The following KDM2B variants were observed in gnomAD, a reference collection of about 807,000 sequenced individuals.
KDM2B encodes the protein lysine-specific demethylase 2B.
In KDM2B, 26 loss-of-function variants were observed where a neutral mutation model predicts 150.0. The ratio of observed to expected loss-of-function variants is 0.17; its 90% CI spans 0.13 to 0.24. The LOEUF is 0.24. Ranked by LOEUF, KDM2B falls within the 10% of genes least tolerant of loss-of-function variation. The pLI, the probability that KDM2B is intolerant of heterozygous loss-of-function variation, is 1.00. For missense variants in KDM2B, 1,265 were observed against 1,816.9 expected (o/e 0.70, Z 5.52); for synonymous variants, 734 against 729.5 (o/e 1.01, Z -0.10).
chr12:121,483,870 A>T (rs1432854083), intron 12 of KDM2B, among the ~76,000 whole-genome samples: 1 of 152,062 alleles, frequency 6.6e-6, no homozygotes, highest in East Asian at 1.9e-4. Flanking sequence ...AGTTTAGCAG[A>T]GGTTTGATTG....
At position 121,467,455 on chromosome 12, in the gene KDM2B, G is replaced by GC; in HGVS notation, c.1735-14112dup. ...CATGAGGCGAGCCAGGAAGGGGCTG[G>GC]CCCCCCGGGCGGGCGGGCCAATGGC... On this transcript the variant is annotated intron_variant, in intron 12 of 22. Transcript: ENST00000377071. The surrounding 1 kb of genome is among the most constrained non-coding windows in gnomAD (Gnocchi z 5.1). 1 of 681,606 alleles carries GC rather than the reference G, an allele frequency of 1.5e-6. No individual in the cohort carries two copies. The highest frequency in any genetic ancestry group is 1.8e-6 in the Non-Finnish European group (1 of 555,108). The allele number at this position is 681,606 out of a possible 1,614,324, so 42.2% of individuals were successfully genotyped here.
rs1877572128 is a variant in KDM2B, at chr12:121,453,039, C to T, written c.1959+81G>A. On this transcript the variant is annotated intron_variant, in intron 13 of 22. Coordinates refer to ENST00000377071, the MANE Select transcript of KDM2B (RefSeq NM_032590.5). The surrounding 1 kb of genome is among the most constrained non-coding windows in gnomAD (Gnocchi z 6.4). ...GCTTCTCTGTGTGCGGAGGGGCGGCCAGAGCGAGCAGCGGTCAGACACGCG... is the reference window on the plus strand; with the variant it reads ...GCTTCTCTGTGTGCGGAGGGGCGGCTAGAGCGAGCAGCGGTCAGACACGCG... 1.6e-6 allele frequency: 2 copies of T among 1,256,970 alleles called. No homozygotes were observed. The highest frequency in any genetic ancestry group is 1.5e-5 in the African/African-American group (1 of 66,652). The allele number at this position is 1,256,970 out of a possible 1,614,324, so 77.9% of individuals were successfully genotyped here.
rs1034077035 is a variant in KDM2B, at chr12:121,453,665, A to C, written c.1735-321T>G. Among the ~76,000 whole-genome samples the C allele has an allele frequency of 5.3e-5, 8 of 152,284 alleles. No homozygotes were observed. The highest frequency in any genetic ancestry group is 1.4e-4 in the African/African-American group (6 of 41,552). ...TCCACAGACTGGAGCCCTGTCTACA[A>C]GCCAAGAAGTGCCAAGGATGGCAGC... On this transcript the variant is annotated intron_variant, in intron 12 of 22. Coordinates refer to ENST00000377071, the MANE Select transcript of KDM2B (RefSeq NM_032590.5). This position sits in a 1 kb window ranked among gnomAD's most constrained non-coding sequence, Gnocchi z 6.4.
intron 4 of KDM2B, among the ~76,000 whole-genome samples, chr12:121,558,566 G>A (rs1338774784): frequency 3.3e-5 from 5 of 149,722 alleles, no homozygotes; most frequent in African/African-American, 1.2e-4. Flanking sequence ...CGATTTTCCT[G>A]CCTCAGCCTC....
In KDM2B at chr12:121,468,057, G is replaced by T. The variant is rs1251348488; in HGVS notation, c.1735-14713C>A. 6.6e-6 allele frequency: 1 copy of T among 152,234 alleles called. No homozygotes were observed. The highest frequency in any genetic ancestry group is 2.4e-5 in the African/African-American group (1 of 41,440). 9.4% of individuals were successfully genotyped at this position (152,234 alleles called of 1,614,324 possible). A position where few individuals can be genotyped will look rare whatever the true frequency, so the allele number is the denominator to read the frequency against. On this transcript the variant is annotated intron_variant, in intron 12 of 22. Coordinates refer to ENST00000377071, the MANE Select transcript of KDM2B (RefSeq NM_032590.5). The surrounding 1 kb of genome is among the most constrained non-coding windows in gnomAD (Gnocchi z 4.0). ...AGTTCCACTCGAGTCGCCTGACGGG[G>T]GCTGTCAGAACGCCCTGACTCTACC...
rs1265602867 is a variant in KDM2B, at chr12:121,537,574, G to A, written c.684-2984C>T. ...CCAGCCGGGGAGGAGGGCGGCAGGA[G>A]GGTTGCTGCACCTGCAGCACCAACT... On this transcript the variant is annotated intron_variant, in intron 6 of 22. Coordinates refer to ENST00000377071, the MANE Select transcript of KDM2B (RefSeq NM_032590.5). This position sits in a 1 kb window ranked among gnomAD's most constrained non-coding sequence, Gnocchi z 8.7. 1 of 152,186 alleles carries A rather than the reference G, an allele frequency of 6.6e-6. No homozygotes were observed. The highest frequency in any genetic ancestry group is 2.4e-5 in the African/African-American group (1 of 41,464). 9.4% of individuals were successfully genotyped at this position (152,186 alleles called of 1,614,324 possible). A position where few individuals can be genotyped will look rare whatever the true frequency, so the allele number is the denominator to read the frequency against.
In KDM2B at chr12:121,445,481, C is replaced by A. The variant is rs1036054597; in HGVS notation, c.1960-63G>T. 2.3e-5 allele frequency: 34 copies of A among 1,499,138 alleles called. No homozygotes were observed. The Middle Eastern group carries it at 6.5e-4, about 29-fold the overall frequency. 92.9% of individuals were successfully genotyped at this position (1,499,138 alleles called of 1,614,324 possible). Reference sequence around the variant, plus strand: ...TGGGGAGCACGGACCCCCAGGGGGGCCAGTTCAAGGGCAATGAGCTGCTCC... The same window carrying A: ...TGGGGAGCACGGACCCCCAGGGGGGACAGTTCAAGGGCAATGAGCTGCTCC... On this transcript the variant is annotated intron_variant, in intron 13 of 22. Transcript: ENST00000377071.
rs782629463 is a variant in KDM2B at position 121,513,430 on chromosome 12, G to A, written c.1048-28C>T. The A allele has an allele frequency of 1.9e-6, 3 of 1,604,520 alleles. No individual in the cohort carries two copies. The highest frequency in any genetic ancestry group is 2.6e-6 in the Non-Finnish European group (3 of 1,172,266). On this transcript the variant is annotated intron_variant, in intron 9 of 22. Transcript: ENST00000377071. The surrounding 1 kb of genome is among the most constrained non-coding windows in gnomAD (Gnocchi z 5.0). ...GAAAGCAAAGACGCAGGCAGGCAGA[G>A]GTCAGTTTCCAGAGGGCGAAGGGGG...
chr12:121,423,780 T>A, the KDM2B span: 1 of 537,446 alleles, frequency 1.9e-6, no homozygotes, highest in East Asian at 3.2e-5. The surrounding 1 kb of genome is among the most constrained non-coding windows in gnomAD (Gnocchi z 4.3). Flanking sequence ...ACACGTGAGC[T>A]TCCCGGGCTC....
At chr12:121,417,901 T>C in the KDM2B span, 1 of 1,613,608 alleles carries the variant, frequency 6.2e-7, no homozygotes, top group Non-Finnish European at 8.5e-7. This position sits in a 1 kb window ranked among gnomAD's most constrained non-coding sequence, Gnocchi z 5.0. Context: ...AGATCTGGAG[T>C]GCCGGCACAG....
chr12:121,561,052 C>T (rs901454829), intron 4 of KDM2B, among the ~76,000 whole-genome samples: 1 of 152,304 alleles, frequency 6.6e-6, no homozygotes, highest in African/African-American at 2.4e-5. Flanking sequence ...CCGCCGCCCA[C>T]CCACCCCAGG....
intron 8 of KDM2B, among the ~76,000 whole-genome samples, chr12:121,525,250 C>A (rs1434729159): frequency 6.6e-6 from 1 of 152,128 alleles, no homozygotes; most frequent in Non-Finnish European, 1.5e-5. Context: ...GGGGATATTT[C>A]TTTTGTTGTT....
chr12:121,556,211 C>T (rs1889886606), intron 4 of KDM2B, among the ~76,000 whole-genome samples: 1 of 152,036 alleles, frequency 6.6e-6, no homozygotes, highest in Non-Finnish European at 1.5e-5. Context: ...AGGGGTGAGC[C>T]ACTGCACTCG....
the KDM2B span, among the ~76,000 whole-genome samples, chr12:121,421,316 CACTTGAGCCCAGGA>C: frequency 4.7e-4 from 64 of 136,790 alleles, no homozygotes; most frequent in African/African-American, 1.7e-3. Context: ...GCAGGAGGAT[CACTTGAGCCCAGGA>C]GTTTGAGACC....
At chr12:121,553,868 T>C (rs1889697261) in intron 4 of KDM2B, among the ~76,000 whole-genome samples, 1 of 152,104 alleles carries the variant, frequency 6.6e-6, no homozygotes. Context: ...ACTTTCATAA[T>C]GGTTGCACAG....
chr12:121,443,450 C>G (rs542987947), intron 17 of KDM2B: 3 of 591,226 alleles, frequency 5.1e-6, no homozygotes, highest in Admixed American at 6.1e-5. Context: ...GGCCACCAGG[C>G]TCCTCAGAGG....
intron 4 of KDM2B, among the ~76,000 whole-genome samples, chr12:121,566,388 G>GAGGC (rs1456375873): frequency 1.3e-5 from 2 of 152,126 alleles, no homozygotes; most frequent in African/African-American, 4.8e-5. Flanking sequence ...CTGGGAAGCT[G>GAGGC]AGGCAGGCAG....
intron 13 of KDM2B, among the ~76,000 whole-genome samples, chr12:121,446,159 G>C (rs57417357): frequency 0.035 from 5,335 of 152,180 alleles, 302 homozygotes; most frequent in African/African-American, 0.12. Flanking sequence ...ACTTTGGGAG[G>C]CCAAGGCGGG....
At position 121,580,828 on chromosome 12, in the gene KDM2B, T is replaced by C. The variant is rs1555317899; in HGVS notation, c.84A>G (p.Thr28=). ...RHAAEKQKKK[T]VIYTKCFEFE... ...ATTCAAAGCATTTTGTATATATAAC[T>C]GTTTTCTTTTTTTGCTTTTCTGCTG... Residue 28 remains threonine, a synonymous_variant, in exon 1 of 23, where the codon ACA becomes ACG. Transcript: ENST00000377071. The C allele has an allele frequency of 6.2e-7, 1 of 1,603,534 alleles. No individual in the cohort carries two copies. Among genetic ancestry groups the C allele is most frequent in the Non-Finnish European group, 8.5e-7 (1 of 1,171,178 alleles).
Sources: gnomAD v4.1 joint callset for allele counts (sites outside exome capture counted in the v4.1 genomes callset) on GRCh38, gnomAD v4.1.1 for gene constraint, Gnocchi (gnomAD v3.1) non-coding constraint, MANE v1.5 for transcripts, NCBI Gene and HGNC (gene_info 2026-07-23, HGNC 2026-07-21) for gene names.